Variants in LRRFIP2 observed in about 807,000 individuals in gnomAD.
LRRFIP2 encodes LRR binding FLII interacting protein 2.
In LRRFIP2, 109 loss-of-function variants were observed where a neutral mutation model predicts 125.9. That is an observed-to-expected ratio of 0.87 (90% confidence interval 0.74 to 1.01). The LOEUF is 1.01. Ranked by LOEUF, LRRFIP2 falls within the 50% of genes least tolerant of loss-of-function variation. The pLI is 0.00. For missense variants in LRRFIP2, 850 were observed against 862.3 expected, an observed-to-expected ratio of 0.99 and a Z score of 0.18; for synonymous variants, 291 against 293.1, an observed-to-expected ratio of 0.99 and a Z score of 0.07.
At chr3:37,173,840 G>A (rs1278522387) in intron 1 of LRRFIP2, among the ~76,000 whole-genome samples, 1 of 152,186 alleles carries the variant, frequency 6.6e-6, no homozygotes, top group African/African-American at 2.4e-5. Context: ...TTTGTTTTGA[G>A]AGACAGAGAT....
intron 1 of LRRFIP2, among the ~76,000 whole-genome samples, chr3:37,158,672 T>C (rs2096261584): frequency 6.8e-6 from 1 of 147,686 alleles, no homozygotes; most frequent in African/African-American, 2.5e-5. Flanking sequence ...GAAAGAACAA[T>C]ATAAGCCTAG....
chr3:37,092,472 G>A, intron 17 of LRRFIP2, among the ~76,000 whole-genome samples: 1 of 152,164 alleles, frequency 6.6e-6, no homozygotes, highest in East Asian at 1.9e-4. Context: ...GGAGGCAGAT[G>A]GTAGGATACA....
intron 2 of LRRFIP2, among the ~76,000 whole-genome samples, chr3:37,144,865 T>C (rs1317068512): frequency 6.6e-6 from 1 of 152,216 alleles, no homozygotes; most frequent in African/African-American, 2.4e-5. Flanking sequence ...GACTATGCTT[T>C]AATTTCAAGA....
At chr3:37,058,684 AAAAAAAAG>A (rs964154479) in intron 25 of LRRFIP2, 98 bp downstream of exon 25, 19 of 1,282,106 alleles carry the variant, frequency 1.5e-5, no homozygotes, top group East Asian at 2.4e-5. Flanking sequence ...TCAAAAAAAA[AAAAAAAAG>A]AAAAGTGTAT....
intron 3 of LRRFIP2, 62 bp downstream of exon 3, chr3:37,129,001 A>T: frequency 2.1e-6 from 3 of 1,419,984 alleles, no homozygotes; most frequent in Non-Finnish European, 3.0e-6. Context: ...ATCAGAATAA[A>T]CTAGCCAAGT....
At chr3:37,132,136 GT>G (rs575489212) in intron 2 of LRRFIP2, among the ~76,000 whole-genome samples, 305 of 144,894 alleles carry the variant, frequency 2.1e-3, no homozygotes, top group African/African-American at 3.7e-3. Context: ...TCTTATTAGA[GT>G]TTTTTTTTTT....
intron 3 of LRRFIP2, among the ~76,000 whole-genome samples, chr3:37,128,424 ATT>A (rs554478564): frequency 2.1e-4 from 32 of 152,076 alleles, no homozygotes; most frequent in Non-Finnish European, 3.2e-4. Context: ...ATTCTTAAAA[ATT>A]TTTTTCTTGT....
In LRRFIP2 at chr3:37,094,898, C is replaced by A. The variant is rs772292695; in HGVS notation, c.929G>T (p.Arg310Leu). 3.7e-6 allele frequency: 6 copies of A among 1,604,646 alleles called. No individual in the cohort carries two copies. Among genetic ancestry groups the A allele is most frequent in the South Asian group, 2.2e-5 (2 of 90,876 alleles). ...YAENYTRPSS[R>L]NSASATTPLS... Reference sequence around the variant, plus strand: ...AGGGGTTGTTGCTGAGGCAGAATTTCGAGATGAAGGCTAGAAAGAGAAATA... The same window carrying A: ...AGGGGTTGTTGCTGAGGCAGAATTTAGAGATGAAGGCTAGAAAGAGAAATA... Residue 310 changes from arginine to leucine, a missense_variant, in exon 17 of 28, where the codon CGA becomes CTA. Physicochemically the swap from Arg to Leu is moderately radical, Grantham distance 102 (BLOSUM62 -2). Coordinates refer to ENST00000336686, the MANE Select transcript of LRRFIP2 (RefSeq NM_006309.4).
At chr3:37,074,608 T>C (rs1446977564) in intron 20 of LRRFIP2, among the ~76,000 whole-genome samples, 1 of 152,212 alleles carries the variant, frequency 6.6e-6, no homozygotes, top group Non-Finnish European at 1.5e-5. Context: ...GTACAGAACG[T>C]ATCTTGATGT....
chr3:37,154,064 A>G (rs1231693551), intron 1 of LRRFIP2, among the ~76,000 whole-genome samples: 1 of 151,776 alleles, frequency 6.6e-6, no homozygotes, highest in African/African-American at 2.4e-5. Context: ...AGTCCCAGCT[A>G]CTTGGGAGGC....
chr3:37,101,294 T>A (rs13066073), intron 15 of LRRFIP2, among the ~76,000 whole-genome samples: 1 of 150,086 alleles, frequency 6.7e-6, no homozygotes, highest in South Asian at 2.1e-4. Context: ...AGGGTGGGGG[T>A]TGCAGTAAGC....
intron 23 of LRRFIP2, chr3:37,065,471 AG>A: frequency 2.2e-6 from 1 of 454,420 alleles, no homozygotes; most frequent in Non-Finnish European, 4.4e-6. Flanking sequence ...ACACTTGAGA[AG>A]TCTCCTGCTA....
At chr3:37,165,439 C>T (rs1268251527) in intron 1 of LRRFIP2, among the ~76,000 whole-genome samples, 1 of 126,454 alleles carries the variant, frequency 7.9e-6, no homozygotes, top group Non-Finnish European at 1.6e-5. Context: ...AGGTTGGGGA[C>T]CACTGCCTTA....
At chr3:37,074,197 G>A (rs1011651991) in intron 20 of LRRFIP2, among the ~76,000 whole-genome samples, 3 of 152,196 alleles carry the variant, frequency 2.0e-5, no homozygotes, top group Non-Finnish European at 2.9e-5. Context: ...GAAAGAGGGA[G>A]AGAAAAAGAA....
rs2086442352 is a variant in LRRFIP2, at chr3:37,055,103, T to C, written c.1933A>G (p.Thr645Ala). ...GTACTTACACTTTGCTCCAAGGTAG[T>C]TATATCCTGTTCTGCTTTTGAAAGC... is the stretch of plus-strand genomic sequence containing the variant. ...FKLSKAEQDI[T>A]TLEQSISRLE... Residue 645 changes from threonine (T) to alanine (A), a missense_variant, in exon 26 of 28, where the codon ACT (threonine) becomes GCT (alanine). Transcript: ENST00000336686. 6 of 1,595,156 alleles carry C rather than the reference T, an allele frequency of 3.8e-6. No homozygotes were observed. The highest frequency in any genetic ancestry group is 5.1e-6 in the Non-Finnish European group (6 of 1,172,798).
chr3:37,166,881 G>A (rs1350417578), intron 1 of LRRFIP2, among the ~76,000 whole-genome samples: 2 of 151,602 alleles, frequency 1.3e-5, no homozygotes, highest in African/African-American at 4.8e-5. Flanking sequence ...AGCTGGACAT[G>A]GTGGCGCATG....
intron 19 of LRRFIP2, among the ~76,000 whole-genome samples, chr3:37,080,449 A>G (rs903249641): frequency 5.9e-5 from 9 of 151,978 alleles, no homozygotes; most frequent in Non-Finnish European, 1.0e-4. Flanking sequence ...ATAAAATAAA[A>G]TAAATTGGTA....
intron 18 of LRRFIP2, among the ~76,000 whole-genome samples, chr3:37,087,595 T>A (rs1229455406): frequency 6.6e-6 from 1 of 151,562 alleles, no homozygotes; most frequent in East Asian, 1.9e-4. Context: ...AATGCTTCTT[T>A]TTTTTTTTTT....
chr3:37,120,422 A>G (rs568035304), intron 6 of LRRFIP2, among the ~76,000 whole-genome samples: 1 of 152,162 alleles, frequency 6.6e-6, no homozygotes, highest in Non-Finnish European at 1.5e-5. Flanking sequence ...TTAAAAATCT[A>G]AAGTTTTATA....
Sources: allele counts gnomAD v4.1 joint callset (sites outside exome capture counted in the v4.1 genomes callset), GRCh38; gene constraint gnomAD v4.1.1; transcripts MANE v1.5; gene names NCBI Gene and HGNC (gene_info 2026-07-23, HGNC 2026-07-21).